The following MACROD2 variants were observed in gnomAD, a reference collection of about 807,000 sequenced individuals.
MACROD2 encodes mono-ADP ribosylhydrolase 2, also known as ADP-ribose glycohydrolase MACROD2.
In MACROD2, 36 loss-of-function variants were observed where a neutral mutation model predicts 70.4. That is an observed-to-expected ratio of 0.51 (90% CI 0.39 to 0.68). The LOEUF (loss-of-function observed/expected upper bound fraction) is 0.68, where lower values mean the gene tolerates loss of function less well. MACROD2 is among the 30% of genes least tolerant of loss of function. The pLI is 0.00. For synonymous variants in MACROD2, 172 were observed against 178.8 expected (o/e 0.96, Z 0.30); for missense variants, 496 against 538.4 (o/e 0.92, Z 0.78).
chr20:15,896,966 G>A (rs2064982614), intron 10 of MACROD2, among the ~76,000 whole-genome samples: 1 of 152,076 alleles, frequency 6.6e-6, no homozygotes, highest in Admixed American at 6.5e-5. Context: ...ATTAGTACCA[G>A]TTGCATTAAT....
At chr20:14,013,599 T>G (rs2148618719) in intron 2 of MACROD2, among the ~76,000 whole-genome samples, 1 of 152,156 alleles carries the variant, frequency 6.6e-6, no homozygotes, top group South Asian at 2.1e-4. Flanking sequence ...CTAAGATTAT[T>G]TTGACAACAC....
At chr20:14,964,291 G>A (rs2074610930) in intron 5 of MACROD2, among the ~76,000 whole-genome samples, 1 of 152,118 alleles carries the variant, frequency 6.6e-6, no homozygotes, top group African/African-American at 2.4e-5. Context: ...ACTGCACACA[G>A]GCCGGGCGCG....
chr20:14,485,642 A>G (rs968839871), intron 3 of MACROD2, among the ~76,000 whole-genome samples: 3 of 108,520 alleles, frequency 2.8e-5, no homozygotes, highest in South Asian at 4.1e-4. Context: ...CGGAGCTTGC[A>G]GTGAGCCGAG....
At chr20:15,930,334 A>G (rs1327981395) in intron 10 of MACROD2, among the ~76,000 whole-genome samples, 2 of 152,174 alleles carry the variant, frequency 1.3e-5, no homozygotes, top group Non-Finnish European at 2.9e-5. Flanking sequence ...CCCCTATTTC[A>G]CTAAGAACTC....
At chr20:15,318,811 C>G (rs2077842247) in intron 6 of MACROD2, among the ~76,000 whole-genome samples, 2 of 152,068 alleles carry the variant, frequency 1.3e-5, no homozygotes, top group Admixed American at 1.3e-4. Flanking sequence ...GAGAAACTTT[C>G]TCAACATGTT....
chr20:15,545,489 A>C (rs755873568), intron 8 of MACROD2, among the ~76,000 whole-genome samples: 7 of 152,214 alleles, frequency 4.6e-5, no homozygotes, highest in Non-Finnish European at 7.3e-5. Flanking sequence ...CACACTCAGT[A>C]ATCTTGGAGT....
intron 8 of MACROD2, among the ~76,000 whole-genome samples, chr20:15,527,593 A>G (rs1002696764): frequency 1.3e-5 from 2 of 152,108 alleles, no homozygotes; most frequent in African/African-American, 4.8e-5. Context: ...ACCCAGCACT[A>G]CCCTGCAAAT....
At chr20:15,801,327 C>T (rs2063724396) in intron 8 of MACROD2, among the ~76,000 whole-genome samples, 1 of 151,714 alleles carries the variant, frequency 6.6e-6, no homozygotes, top group Non-Finnish European at 1.5e-5. Flanking sequence ...TGGGCTGGAG[C>T]AGAGGATGCT....
chr20:15,725,856 T>G (rs2050853479), intron 8 of MACROD2, among the ~76,000 whole-genome samples: 1 of 152,004 alleles, frequency 6.6e-6, no homozygotes, highest in Non-Finnish European at 1.5e-5. Flanking sequence ...TATTTTATAT[T>G]AACTTTTATT....
At chr20:15,269,001 C>T (rs2077322149) in intron 6 of MACROD2, among the ~76,000 whole-genome samples, 2 of 152,216 alleles carry the variant, frequency 1.3e-5, no homozygotes, top group African/African-American at 2.4e-5. Context: ...GCTCCCTTAA[C>T]ACTTCAGAGC....
intron 5 of MACROD2, among the ~76,000 whole-genome samples, chr20:14,991,290 C>A (rs2074901753): frequency 6.6e-6 from 1 of 152,052 alleles, no homozygotes; most frequent in Non-Finnish European, 1.5e-5. Flanking sequence ...ACCATAACAA[C>A]TTTGCATCAT....
At chr20:15,764,619 G>A (rs1393793651) in intron 8 of MACROD2, among the ~76,000 whole-genome samples, 7 of 152,132 alleles carry the variant, frequency 4.6e-5, no homozygotes, top group East Asian at 3.9e-4. Flanking sequence ...ATTAAAATAC[G>A]TCTTCTTCCG....
intron 7 of MACROD2, among the ~76,000 whole-genome samples, chr20:15,464,848 G>T (rs2046864320): frequency 6.6e-6 from 1 of 152,102 alleles, no homozygotes; most frequent in South Asian, 2.1e-4. Flanking sequence ...TTGAGGTGAG[G>T]ATACATGTCT....
chr20:15,747,775 G>T (rs952541877), intron 8 of MACROD2, among the ~76,000 whole-genome samples: 3 of 151,770 alleles, frequency 2.0e-5, no homozygotes, highest in African/African-American at 7.3e-5. Context: ...TTTCCAATTT[G>T]TATACCCTTA....
chr20:15,587,205 G>A (rs1236394163), intron 8 of MACROD2, among the ~76,000 whole-genome samples: 1 of 152,120 alleles, frequency 6.6e-6, no homozygotes, highest in East Asian at 1.9e-4. Context: ...TGAGGAGGAA[G>A]CAAAAGTGCA....
chr20:15,941,000 G>A (rs900269201), intron 12 of MACROD2, among the ~76,000 whole-genome samples: 3 of 152,162 alleles, frequency 2.0e-5, no homozygotes, highest in Non-Finnish European at 2.9e-5. Flanking sequence ...GATTTTTCCT[G>A]TTGAGTTGTT....
intron 6 of MACROD2, among the ~76,000 whole-genome samples, chr20:15,339,906 G>T (rs560743474): frequency 9.4e-5 from 14 of 149,072 alleles, no homozygotes; most frequent in Admixed American, 2.0e-4. Context: ...TTTTAATAAT[G>T]CTGCAGTGAG....
intron 5 of MACROD2, among the ~76,000 whole-genome samples, chr20:15,139,578 C>T (rs1418133612): frequency 6.6e-6 from 1 of 152,062 alleles, no homozygotes; most frequent in Non-Finnish European, 1.5e-5. Context: ...GCTGTCTCAG[C>T]TCAGAGAATT....
In MACROD2 at chr20:14,664,383, T is replaced by C. The variant is rs562550970; in HGVS notation, c.302-20460T>C. On this transcript the variant is annotated intron_variant, in intron 4 of 17. Transcript: ENST00000684519. ...TGAAATAATTTCACATGGCACCTTT[T>C]ACAGAAGGCTGTGTGAGGAACACAA... is the stretch of plus-strand genomic sequence containing the variant. 1.6e-3 allele frequency among the ~76,000 whole-genome samples: 249 copies of C among 152,264 alleles called. 1 individual carries two copies. The highest frequency in any genetic ancestry group is 1.4e-3 in the Admixed American group (22 of 15,274).
Sources: gnomAD v4.1 joint callset for allele counts (sites outside exome capture counted in the v4.1 genomes callset) on GRCh38, gnomAD v4.1.1 for gene constraint, MANE v1.5 for transcripts, NCBI Gene and HGNC (gene_info 2026-07-23, HGNC 2026-07-21) for gene names.